ACYP2: variants seen among roughly 807,000 people sequenced by gnomAD.
ACYP2 encodes the protein acylphosphatase-2.
Under a neutral mutation model 11.2 loss-of-function variants are expected in ACYP2, and 12 were observed. The ratio of observed to expected loss-of-function variants is 1.08; its 90% CI spans 0.69 to 1.74. The LOEUF (loss-of-function observed/expected upper bound fraction) is 1.74. Ranked by LOEUF, ACYP2 falls within the 40% of genes most tolerant of loss-of-function variation. The pLI, the probability that ACYP2 is intolerant of heterozygous loss-of-function variation, is 0.00. For missense variants in ACYP2, 134 were observed against 101.9 expected, an observed-to-expected ratio of 1.31 and a Z score of -1.35; for synonymous variants, 43 against 32.2, an observed-to-expected ratio of 1.33 and a Z score of -1.13.
chr2:53,975,901 A>T (rs183247616), intron 2 of ACYP2, among the ~76,000 whole-genome samples: 72 of 152,274 alleles, frequency 4.7e-4, no homozygotes, highest in African/African-American at 1.7e-3. Flanking sequence ...TTCTTATCAG[A>T]CCCTCAAGGA....
chr2:54,304,760 C>G lies in ACYP2; in HGVS notation c.477C>G (p.Thr159=). 1 of 1,611,378 alleles carries G rather than the reference C, an allele frequency of 6.2e-7. No homozygotes were observed. Among genetic ancestry groups the G allele is most frequent in the Non-Finnish European group, 8.5e-7 (1 of 1,179,252 alleles). ...GCACAAACTTTTCTAATGAAAAAAC[C>G]ATCTCTAAGCTTGAATACTCTAATT... The change falls in exon 7 of 7, where the codon ACC becomes ACG. Residue 159 remains threonine (T), a synonymous_variant. Coordinates refer to ENST00000607452, the MANE Select transcript of ACYP2 (RefSeq NM_001320586.2).
intron 6 of ACYP2, among the ~76,000 whole-genome samples, chr2:54,147,152 T>C (rs1681935287): frequency 6.6e-6 from 1 of 152,212 alleles, no homozygotes; most frequent in Admixed American, 6.5e-5. Flanking sequence ...TCTCTTCTTC[T>C]TTCCATTTTT....
chr2:54,251,980 C>T (rs843711), intron 6 of ACYP2, among the ~76,000 whole-genome samples: 62,021 of 151,952 alleles, frequency 0.41, 12,873 homozygotes, highest in South Asian at 0.56. Flanking sequence ...CCAGTGCAAA[C>T]ACTGACACTC....
intron 6 of ACYP2, among the ~76,000 whole-genome samples, chr2:54,303,240 A>G (rs546896526): frequency 6.6e-6 from 1 of 152,152 alleles, no homozygotes; most frequent in African/African-American, 2.4e-5. Context: ...AGTCCCAGCT[A>G]CCTGGGGTAC....
chr2:54,185,073 C>G (rs1032214765), intron 6 of ACYP2, among the ~76,000 whole-genome samples: 3 of 152,132 alleles, frequency 2.0e-5, no homozygotes, highest in African/African-American at 7.2e-5. Context: ...TCTTGAACTC[C>G]TTAAGCAATT....
chr2:54,136,925 G>A (rs1032471169), intron 5 of ACYP2, among the ~76,000 whole-genome samples: 2 of 152,082 alleles, frequency 1.3e-5, no homozygotes, highest in Non-Finnish European at 2.9e-5. Flanking sequence ...GCAGTGAGCC[G>A]AGATGGCGCC....
intron 6 of ACYP2, among the ~76,000 whole-genome samples, chr2:54,257,533 T>G (rs1461101862): frequency 6.6e-6 from 1 of 152,164 alleles, no homozygotes; most frequent in African/African-American, 2.4e-5. Context: ...GCTGTATCAC[T>G]CATCATGAAA....
Position 54,125,074 on chromosome 2 carries a change from A to G in ACYP2, c.278-10379A>G, listed in dbSNP as rs562833909. ...TGCCCCAAATGCTTTTAAATTTAAA[A>G]CTTTGAAAATTTAAACCAAATTAAC... On this transcript the variant is annotated intron_variant, in intron 4 of 6. Transcript: ENST00000607452. 2.0e-5 allele frequency among the ~76,000 whole-genome samples: 3 copies of G among 152,188 alleles called. No individual in the cohort carries two copies. The South Asian group carries it at 6.2e-4, about 32-fold the overall frequency.
intron 2 of ACYP2, among the ~76,000 whole-genome samples, chr2:54,049,666 C>G (rs768148599): frequency 3.3e-5 from 5 of 152,168 alleles, no homozygotes; most frequent in South Asian, 4.1e-4. Context: ...CTTACTCCCC[C>G]CAAACAACTA....
At chr2:54,087,150 A>G (rs1677986909) in intron 4 of ACYP2, among the ~76,000 whole-genome samples, 1 of 152,266 alleles carries the variant, frequency 6.6e-6, no homozygotes, top group Admixed American at 6.5e-5. Context: ...CCAATGTAAC[A>G]TGAATAGAAA....
At chr2:54,214,532 C>G (rs938592424) in intron 6 of ACYP2, among the ~76,000 whole-genome samples, 3 of 152,134 alleles carry the variant, frequency 2.0e-5, no homozygotes, top group African/African-American at 7.2e-5. Flanking sequence ...TCAACTTTGT[C>G]AAAGATCAGA....
At chr2:54,169,549 A>G (rs1243591743) in intron 6 of ACYP2, among the ~76,000 whole-genome samples, 2 of 152,128 alleles carry the variant, frequency 1.3e-5, no homozygotes, top group Admixed American at 6.6e-5. Context: ...TGCTGAGATT[A>G]CAGGCATGAT....
At chr2:54,116,045 C>T (rs1021909929) in intron 4 of ACYP2, among the ~76,000 whole-genome samples, 3 of 152,010 alleles carry the variant, frequency 2.0e-5, no homozygotes, top group African/African-American at 7.3e-5. Context: ...GAGTAAGCGG[C>T]ACGGGGGAAT....
chr2:53,998,824 A>T (rs1672682720), intron 2 of ACYP2, among the ~76,000 whole-genome samples: 1 of 151,976 alleles, frequency 6.6e-6, no homozygotes, highest in Non-Finnish European at 1.5e-5. Context: ...GAAAAGAAAA[A>T]AATTTCCCTT....
At chr2:54,126,471 A>G (rs1680512491) in intron 4 of ACYP2, among the ~76,000 whole-genome samples, 1 of 152,090 alleles carries the variant, frequency 6.6e-6, no homozygotes, top group Non-Finnish European at 1.5e-5. Flanking sequence ...AAGAAATTTT[A>G]TCTTTCACAA....
At chr2:54,022,894 T>G (rs960952930) in intron 2 of ACYP2, among the ~76,000 whole-genome samples, 10 of 152,178 alleles carry the variant, frequency 6.6e-5, no homozygotes, top group African/African-American at 2.4e-4. Flanking sequence ...CATACGCCTT[T>G]TGTCCTATCA....
chr2:54,121,669 C>T (rs917091544), intron 4 of ACYP2, among the ~76,000 whole-genome samples: 9 of 152,202 alleles, frequency 5.9e-5, no homozygotes, highest in Non-Finnish European at 1.3e-4. Context: ...AGTCAAGAAA[C>T]ATAAATATGG....
At chr2:54,090,268 C>T (rs1678155636) in intron 4 of ACYP2, among the ~76,000 whole-genome samples, 1 of 152,146 alleles carries the variant, frequency 6.6e-6, no homozygotes, top group South Asian at 2.1e-4. Context: ...CTGCCTTGCC[C>T]CTTTATCTCC....
intron 2 of ACYP2, chr2:54,029,880 C>T (rs1357124806): frequency 1.9e-5 from 5 of 264,902 alleles, no homozygotes; most frequent in Non-Finnish European, 2.9e-5. Flanking sequence ...TTCCCAGAAC[C>T]AAGCCGGGTC....
Sources: allele counts gnomAD v4.1 joint callset (sites outside exome capture counted in the v4.1 genomes callset), GRCh38; gene constraint gnomAD v4.1.1; transcripts MANE v1.5; gene names NCBI Gene and HGNC (gene_info 2026-07-23, HGNC 2026-07-21).